AFF2: variants seen among roughly 807,000 people sequenced by gnomAD.
AFF2 encodes ALF transcription elongation factor 2, also known as AF4/FMR2 family member 2.
Under a neutral mutation model 76.9 loss-of-function variants are expected in AFF2, and 14 were observed. That is an observed-to-expected ratio of 0.18 (90% CI 0.12 to 0.28). AFF2 has a LOEUF of 0.28. AFF2 is among the 10% of genes least tolerant of loss of function. The pLI is 1.00. For synonymous variants in AFF2, 398 were observed against 366.7 expected, an observed-to-expected ratio of 1.09 and a Z score of -0.98; for missense variants, 868 against 1,001.1, an observed-to-expected ratio of 0.87 and a Z score of 1.79.
chrX:148,551,453 T>A (rs1342915092), intron 1 of AFF2, among the ~76,000 whole-genome samples: 3 of 85,891 alleles, frequency 3.5e-5, no homozygotes, highest in Non-Finnish European at 6.4e-5. Flanking sequence ...CCTTCTCTAC[T>A]CTAAACTCTC....
chrX:148,553,762 T>A (rs2053020893), intron 1 of AFF2, among the ~76,000 whole-genome samples: 1 of 112,183 alleles, frequency 8.9e-6, no homozygotes, highest in Admixed American at 9.4e-5. Context: ...CCCCAGACCC[T>A]AACTTCCTTC....
intron 1 of AFF2, among the ~76,000 whole-genome samples, chrX:148,541,703 G>A (rs1399823489): frequency 2.7e-5 from 3 of 110,952 alleles, no homozygotes; most frequent in African/African-American, 9.9e-5. Flanking sequence ...TTATGGCAGT[G>A]TCTGTGCTCA....
At chrX:148,724,292 CA>C in intron 3 of AFF2, among the ~76,000 whole-genome samples, 1 of 110,705 alleles carries the variant, frequency 9.0e-6, no homozygotes, top group Non-Finnish European at 1.9e-5. Context: ...GCCATGGTAA[CA>C]AATGAACTCA....
chrX:148,713,408 G>A (rs1040100995), intron 3 of AFF2, among the ~76,000 whole-genome samples: 3 of 111,444 alleles, frequency 2.7e-5, no homozygotes, highest in Non-Finnish European at 5.7e-5. Flanking sequence ...AGTAAACTTC[G>A]ATAATGGGAT....
At chrX:148,763,317 T>C (rs782105676) in intron 3 of AFF2, among the ~76,000 whole-genome samples, 2 of 111,871 alleles carry the variant, frequency 1.8e-5, no homozygotes, top group African/African-American at 3.3e-5. Context: ...GAGATATGTG[T>C]AGAACATGTT....
intron 3 of AFF2, among the ~76,000 whole-genome samples, chrX:148,715,283 G>A (rs1279877484): frequency 1.8e-5 from 2 of 111,798 alleles, no homozygotes; most frequent in Non-Finnish European, 3.8e-5. Context: ...TAGTAAGCAT[G>A]TTCTTCTAGC....
chrX:148,920,851 T>A (rs1425472921), intron 9 of AFF2, among the ~76,000 whole-genome samples: 1 of 111,150 alleles, frequency 9.0e-6, no homozygotes, highest in African/African-American at 3.3e-5. Context: ...CATGCTGGAA[T>A]GAGTAAAGTT....
At chrX:148,662,913 C>A in intron 3 of AFF2, 145 bp downstream of exon 3, 1 of 600,714 alleles carries the variant, frequency 1.7e-6, no homozygotes. Context: ...GAATTTTGAT[C>A]TTCTGTCACT....
At chrX:148,792,510 A>G (rs1168330624) in intron 3 of AFF2, among the ~76,000 whole-genome samples, 1 of 113,074 alleles carries the variant, frequency 8.8e-6, no homozygotes, top group South Asian at 3.6e-4. Flanking sequence ...CAAAAGTGAT[A>G]ACAAAGGGCC....
intron 4 of AFF2, among the ~76,000 whole-genome samples, chrX:148,817,372 G>A (rs940925339): frequency 9.0e-6 from 1 of 110,923 alleles, no homozygotes; most frequent in South Asian, 3.8e-4. Flanking sequence ...AATATAAACC[G>A]GTGGATGAAA....
chrX:148,843,111 CAAAAAG>C, intron 6 of AFF2, 109 bp downstream of exon 6: 1 of 629,999 alleles, frequency 1.6e-6, no homozygotes, highest in Non-Finnish European at 2.4e-6. Context: ...ACAACAATAA[CAAAAAG>C]TTATTTTAAT....
chrX:148,513,496 C>G (rs1557233403), intron 1 of AFF2, among the ~76,000 whole-genome samples: 1 of 111,548 alleles, frequency 9.0e-6, no homozygotes, highest in African/African-American at 3.3e-5. Context: ...ACTTTGAAAT[C>G]TGTTCGGCCT....
rs66986683 is a variant in AFF2, at chrX:148,692,046, C to CTTT, written c.1041+29288_1041+29290dup. On this transcript the variant is annotated intron_variant, in intron 3 of 20. Coordinates refer to ENST00000370460, the MANE Select transcript of AFF2 (RefSeq NM_002025.4). Reference sequence around the variant, plus strand: ...TAGTTCCTTAGGTTGCAAAAATGTTCTTTTTTTTTTTTGCCTGATTTGTAG... The same window carrying CTTT: ...TAGTTCCTTAGGTTGCAAAAATGTTCTTTTTTTTTTTTTTTGCCTGATTTGTAG... 2.9e-4 allele frequency among the ~76,000 whole-genome samples: 30 copies of CTTT among 102,017 alleles called. No individual in the cohort carries two copies. In the East Asian group the frequency reaches 3.3e-3, roughly 11 times the overall value. The allele number at this position is 102,017 out of a possible 115,157, so 88.6% of individuals were successfully genotyped here.
At chrX:148,671,305 A>T (rs1458055967) in intron 3 of AFF2, among the ~76,000 whole-genome samples, 2 of 112,143 alleles carry the variant, frequency 1.8e-5, no homozygotes, top group Non-Finnish European at 3.8e-5. Context: ...AAACAGCACT[A>T]TTTGATAATT....
intron 1 of AFF2, among the ~76,000 whole-genome samples, chrX:148,580,301 T>G (rs1352116360): frequency 9.0e-6 from 1 of 111,562 alleles, no homozygotes; most frequent in Non-Finnish European, 1.9e-5. Context: ...TAGGAGGCTC[T>G]TAGGGGGCTT....
intron 1 of AFF2, among the ~76,000 whole-genome samples, chrX:148,505,955 C>CTG (rs3838386): frequency 0.023 from 2,398 of 102,396 alleles, 27 homozygotes; most frequent in South Asian, 0.092. Context: ...GTGTGTGTGT[C>CTG]TGTGTGTGTG....
chrX:148,520,745 T>C (rs1399329928), intron 1 of AFF2, among the ~76,000 whole-genome samples: 1 of 112,442 alleles, frequency 8.9e-6, no homozygotes, highest in African/African-American at 3.2e-5. Context: ...CTTCAGACTT[T>C]AGAGCTGTGT....
At position 148,652,139 on chromosome X, in the gene AFF2, A is replaced by C; in HGVS notation, c.180+8A>C. 2.5e-6 allele frequency: 3 copies of C among 1,177,884 alleles called. No homozygotes were observed. Among genetic ancestry groups the C allele is most frequent in the Non-Finnish European group, 3.4e-6 (3 of 873,249 alleles). On this transcript the variant is annotated splice_region_variant and intron_variant, in intron 2 of 20. Coordinates refer to ENST00000370460, the MANE Select transcript of AFF2 (RefSeq NM_002025.4). ...TACAAGGTAGCTGAATATGTATGTA[A>C]TTTTTCTTTCTGGAAAATGGTTGCT...
chrX:148,658,619 G>A (rs1393946693), intron 2 of AFF2, among the ~76,000 whole-genome samples: 4 of 112,383 alleles, frequency 3.6e-5, no homozygotes, highest in Admixed American at 2.8e-4. Flanking sequence ...TTGCTCAAGT[G>A]TTCTTGTAAA....
Sources: allele counts gnomAD v4.1 joint callset (sites outside exome capture counted in the v4.1 genomes callset), GRCh38; gene constraint gnomAD v4.1.1; transcripts MANE v1.5; gene names NCBI Gene and HGNC (gene_info 2026-07-23, HGNC 2026-07-21).